RRP15: variants seen among roughly 807,000 people sequenced by gnomAD.
The protein encoded by RRP15 is ribosomal RNA processing 15 homolog.
Under a neutral mutation model 27.1 loss-of-function variants are expected in RRP15, and 18 were observed. The ratio of observed to expected loss-of-function variants is 0.66; its 90% CI spans 0.46 to 0.98. The LOEUF is 0.98. Among genes scored for constraint, RRP15 ranks in the 50% least tolerant of loss-of-function variants. RRP15 has a pLI of 0.00. For missense variants in RRP15, 359 were observed against 337.8 expected (o/e 1.06, Z -0.49); for synonymous variants, 107 against 109.4 (o/e 0.98, Z 0.14).
At position 218,292,125 on chromosome 1, in the gene RRP15, T is replaced by G. The variant is rs571608293; in HGVS notation, c.139+6670T>G. On this transcript the variant is annotated intron_variant, in intron 1 of 4. Transcript: ENST00000366932. Reference sequence around the variant, plus strand: ...TGTTGGGATTACAGGCATGAGCCACTGCACCCAGCCTTCAATTTTTCAAAC... The same window carrying G: ...TGTTGGGATTACAGGCATGAGCCACGGCACCCAGCCTTCAATTTTTCAAAC... 1.2e-3 allele frequency among the ~76,000 whole-genome samples: 184 copies of G among 152,330 alleles called. 1 individual carries two copies. The highest frequency in any genetic ancestry group is 0.012 in the South Asian group (56 of 4,828).
At chr1:218,325,086 C>CT (rs1656250754) in intron 4 of RRP15, among the ~76,000 whole-genome samples, 1 of 152,066 alleles carries the variant, frequency 6.6e-6, no homozygotes, top group Admixed American at 6.6e-5. Flanking sequence ...TTGGATCTTC[C>CT]TTTTTTTCTT....
At chr1:218,324,600 A>G (rs750292267) in intron 4 of RRP15, among the ~76,000 whole-genome samples, 33 of 152,244 alleles carry the variant, frequency 2.2e-4, no homozygotes, top group Non-Finnish European at 4.3e-4. Flanking sequence ...ACTCATGTGC[A>G]TATGTGTAGT....
chr1:218,327,406 G>A (rs149253614), intron 4 of RRP15, among the ~76,000 whole-genome samples: 2 of 152,090 alleles, frequency 1.3e-5, no homozygotes, highest in Non-Finnish European at 2.9e-5. Flanking sequence ...CCTCCTAAGT[G>A]ATTCTCCCTC....
In RRP15 at chr1:218,331,119, G is replaced by A. The variant is rs200727726; in HGVS notation, c.*28G>A. On this transcript the variant is annotated 3_prime_UTR_variant, in exon 5 of 5. Transcript: ENST00000366932. Reference sequence around the variant, plus strand: ...CATCATAGGAAATACAATTGCAGTCGTTTTATTTTTTCTAGAAAAATATGT... The same window carrying A: ...CATCATAGGAAATACAATTGCAGTCATTTTATTTTTTCTAGAAAAATATGT... The A allele has an allele frequency of 6.4e-5, 102 of 1,584,734 alleles. No homozygotes were observed. The African/African-American group carries it at 1.1e-3, about 17-fold the overall frequency.
intron 4 of RRP15, among the ~76,000 whole-genome samples, chr1:218,312,445 G>A (rs1656016677): frequency 6.6e-6 from 1 of 151,530 alleles, no homozygotes; most frequent in Admixed American, 6.6e-5. Context: ...TTGTGAGATA[G>A]GGCTATGAAA....
chr1:218,301,616 T>G (rs1490188352), intron 1 of RRP15: 1 of 152,488 alleles, frequency 6.6e-6, no homozygotes, highest in African/African-American at 2.4e-5. Context: ...CTTACACATT[T>G]GTATCTTCAA....
chr1:218,304,838 G>A (rs1028903113), intron 2 of RRP15, among the ~76,000 whole-genome samples, 190 bp from the exon 3 acceptor site: 4 of 152,072 alleles, frequency 2.6e-5, no homozygotes, highest in East Asian at 1.9e-4. Context: ...TGTGCCTCTC[G>A]CATGACACGC....
intron 1 of RRP15, 52 bp downstream of exon 1, chr1:218,285,507 T>A (rs925878321): frequency 6.2e-7 from 1 of 1,609,242 alleles, no homozygotes; most frequent in South Asian, 1.1e-5. Flanking sequence ...CGGGGCTGAG[T>A]TCGTGTCAAG....
At chr1:218,318,597 A>G (rs1192200573) in intron 4 of RRP15, among the ~76,000 whole-genome samples, 1 of 152,162 alleles carries the variant, frequency 6.6e-6, no homozygotes, top group Non-Finnish European at 1.5e-5. Context: ...GCTGAGATTT[A>G]GGTTAAACTT....
At chr1:218,321,960 T>A (rs1656194039) in intron 4 of RRP15, among the ~76,000 whole-genome samples, 2 of 152,216 alleles carry the variant, frequency 1.3e-5, no homozygotes, top group South Asian at 4.1e-4. Context: ...ATTGAAATTA[T>A]GTCAATCCAG....
intron 4 of RRP15, among the ~76,000 whole-genome samples, chr1:218,330,064 A>G (rs1055419574): frequency 3.3e-5 from 5 of 152,256 alleles, no homozygotes; most frequent in Non-Finnish European, 5.9e-5. Flanking sequence ...GATTGACATA[A>G]ATAGATATGC....
intron 4 of RRP15, among the ~76,000 whole-genome samples, chr1:218,313,803 A>G (rs1312264409): frequency 2.0e-5 from 3 of 152,134 alleles, no homozygotes; most frequent in Non-Finnish European, 2.9e-5. Context: ...TTCCACATGA[A>G]TAAATGTAAT....
At chr1:218,299,991 T>G (rs1655785298) in intron 1 of RRP15, among the ~76,000 whole-genome samples, 1 of 152,132 alleles carries the variant, frequency 6.6e-6, no homozygotes, top group African/African-American at 2.4e-5. Context: ...GATACCTTTT[T>G]TTTTAGTGTT....
chr1:218,305,227 C>G, intron 3 of RRP15, 102 bp downstream of exon 3: 1 of 817,242 alleles, frequency 1.2e-6, no homozygotes. Context: ...CTTCTCAGAG[C>G]CAAGTGATAT....
chr1:218,291,624 C>T (rs1245222656), intron 1 of RRP15, among the ~76,000 whole-genome samples: 1 of 150,096 alleles, frequency 6.7e-6, no homozygotes, highest in Non-Finnish European at 1.5e-5. Context: ...CTCCGCCTCC[C>T]AGGTTCAAGC....
At chr1:218,300,323 A>G (rs1655789993) in intron 1 of RRP15, among the ~76,000 whole-genome samples, 2 of 148,026 alleles carry the variant, frequency 1.4e-5, no homozygotes, top group Non-Finnish European at 3.0e-5. Flanking sequence ...AAGATACTTT[A>G]TTTTTACTCA....
intron 4 of RRP15, among the ~76,000 whole-genome samples, chr1:218,328,872 A>G (rs965980305): frequency 3.3e-5 from 5 of 152,060 alleles, no homozygotes; most frequent in East Asian, 1.9e-4. Flanking sequence ...TGTTGATGGC[A>G]TATTGGGTGT....
At chr1:218,298,992 C>G (rs1378748934) in intron 1 of RRP15, among the ~76,000 whole-genome samples, 1 of 152,118 alleles carries the variant, frequency 6.6e-6, no homozygotes, top group Non-Finnish European at 1.5e-5. Context: ...CGTCTATGCC[C>G]TTAGACACCT....
At chr1:218,329,880 G>A (rs1441344815) in intron 4 of RRP15, among the ~76,000 whole-genome samples, 2 of 151,706 alleles carry the variant, frequency 1.3e-5, no homozygotes, top group East Asian at 1.9e-4. Context: ...TTAAATAAAG[G>A]GAAGCTATAG....
Sources: allele counts gnomAD v4.1 joint callset (sites outside exome capture counted in the v4.1 genomes callset), GRCh38; gene constraint gnomAD v4.1.1; transcripts MANE v1.5; gene names NCBI Gene and HGNC (gene_info 2026-07-23, HGNC 2026-07-21).